Variants in TBC1D5 observed in about 807,000 individuals in gnomAD.
TBC1D5 encodes TBC1 domain family member 5.
TBC1D5 carries 75 observed loss-of-function variants against 100.3 expected under a neutral mutation model. That is an observed-to-expected ratio of 0.75 (90% confidence interval 0.62 to 0.91). TBC1D5 has a LOEUF of 0.91. Ranked by LOEUF, TBC1D5 falls within the 40% of genes least tolerant of loss-of-function variation. TBC1D5 has a pLI of 0.00. For synonymous variants in TBC1D5, 323 were observed against 325.6 expected, an observed-to-expected ratio of 0.99 and a Z score of 0.09; for missense variants, 910 against 942.4, an observed-to-expected ratio of 0.97 and a Z score of 0.45.
intron 13 of TBC1D5, among the ~76,000 whole-genome samples, chr3:17,312,384 A>G (rs528706239): frequency 6.6e-6 from 1 of 152,288 alleles, no homozygotes; most frequent in African/African-American, 2.4e-5. Context: ...TAGGTCTTTA[A>G]AAACTATTTG....
At chr3:17,437,999 T>A (rs2094568315) in intron 3 of TBC1D5, among the ~76,000 whole-genome samples, 1 of 152,186 alleles carries the variant, frequency 6.6e-6, no homozygotes. Flanking sequence ...TGCATTGAGC[T>A]ATGCCAACTT....
At chr3:17,161,441 C>T (rs1435830837) in intron 21 of TBC1D5, among the ~76,000 whole-genome samples, 185 bp from the exon 23 acceptor site, 3 of 152,234 alleles carry the variant, frequency 2.0e-5, no homozygotes, top group Non-Finnish European at 4.4e-5. Context: ...TGGTGCAGTG[C>T]CAGCAGCATC....
intron 13 of TBC1D5, among the ~76,000 whole-genome samples, chr3:17,369,713 C>A (rs1054990872): frequency 6.6e-6 from 1 of 152,106 alleles, no homozygotes; most frequent in African/African-American, 2.4e-5. Context: ...ATGGGTAGTA[C>A]AGATGGTAGT....
At chr3:17,727,062 T>C (rs1167798179) in intron 1 of TBC1D5, among the ~76,000 whole-genome samples, 1 of 152,180 alleles carries the variant, frequency 6.6e-6, no homozygotes, top group Non-Finnish European at 1.5e-5. Flanking sequence ...GGTCTACTGA[T>C]TGTCCCCCCA....
chr3:17,410,153 G>C (rs1321325541), intron 4 of TBC1D5, among the ~76,000 whole-genome samples: 3 of 152,080 alleles, frequency 2.0e-5, no homozygotes, highest in African/African-American at 7.2e-5. Flanking sequence ...CATTCTGAAA[G>C]TCCTAGAGAC....
chr3:17,334,223 C>T (rs2087325436), intron 13 of TBC1D5, among the ~76,000 whole-genome samples: 1 of 151,980 alleles, frequency 6.6e-6, no homozygotes, highest in African/African-American at 2.4e-5. Flanking sequence ...AGAGTAGAGA[C>T]AGATACTACC....
intron 2 of TBC1D5, among the ~76,000 whole-genome samples, chr3:17,591,974 C>T (rs534916742): frequency 2.6e-4 from 39 of 152,336 alleles, no homozygotes; most frequent in Admixed American, 1.2e-3. Context: ...AGTAGATTAT[C>T]GTAAGCTTAA....
At chr3:17,420,415 T>C (rs1272605807) in intron 4 of TBC1D5, among the ~76,000 whole-genome samples, 2 of 152,018 alleles carry the variant, frequency 1.3e-5, no homozygotes, top group African/African-American at 4.8e-5. Flanking sequence ...ATCATTTGAG[T>C]CAAATTGTTT....
rs538870296 is a variant in TBC1D5, at chr3:17,203,112, C to T, written c.1752+11095G>A. On this transcript the variant is annotated intron_variant, in intron 18 of 21. Transcript: ENST00000253692. ...GCTGAGGGGGCTGTACCCTGCAGAG[C>T]CCCAAGCAGGGAGATCCCCAAGGCC... Among the ~76,000 whole-genome samples the T allele has an allele frequency of 2.6e-5, 4 of 152,312 alleles. No individual in the cohort carries two copies. The South Asian group carries it at 6.2e-4, about 24-fold the overall frequency.
intron 1 of TBC1D5, among the ~76,000 whole-genome samples, chr3:17,672,026 C>T (rs1577366697): frequency 6.6e-6 from 1 of 152,260 alleles, no homozygotes; most frequent in South Asian, 2.1e-4. Flanking sequence ...GTCTAACATT[C>T]GGCATTCTAT....
At chr3:17,316,462 T>C (rs2084713637) in intron 13 of TBC1D5, among the ~76,000 whole-genome samples, 5 of 152,160 alleles carry the variant, frequency 3.3e-5, no homozygotes, top group Admixed American at 3.3e-4. Context: ...TCTACTCAAG[T>C]GAAAGCCATT....
intron 3 of TBC1D5, among the ~76,000 whole-genome samples, chr3:17,470,092 T>C (rs1468000910): frequency 6.6e-6 from 1 of 152,210 alleles, no homozygotes. Context: ...ATAGTCTAAC[T>C]TTGCAGACCT....
intron 2 of TBC1D5, among the ~76,000 whole-genome samples, chr3:17,595,694 C>CAAAT (rs1553868173): frequency 6.6e-6 from 1 of 152,138 alleles, no homozygotes; most frequent in Non-Finnish European, 1.5e-5. Flanking sequence ...ATTAGAAAAG[C>CAAAT]AAGTGATAAA....
chr3:17,464,207 G>T (rs141289701), intron 3 of TBC1D5, among the ~76,000 whole-genome samples: 2 of 151,944 alleles, frequency 1.3e-5, no homozygotes, highest in Non-Finnish European at 2.9e-5. Context: ...TGATCTTCCC[G>T]TCTCGGCCTC....
chr3:17,559,081 CTTAAA>C (rs1251158594), intron 2 of TBC1D5, among the ~76,000 whole-genome samples: 2 of 116,934 alleles, frequency 1.7e-5, no homozygotes, highest in Non-Finnish European at 3.5e-5. Context: ...TTCTCTTTCT[CTTAAA>C]TAAATAAATA....
At chr3:17,179,234 T>C (rs567028693) in intron 19 of TBC1D5, among the ~76,000 whole-genome samples, 1 of 152,354 alleles carries the variant, frequency 6.6e-6, no homozygotes, top group South Asian at 2.1e-4. Context: ...CGAAACTCTT[T>C]TTTCATAGTG....
chr3:17,461,264 T>A (rs1184481731), intron 3 of TBC1D5, among the ~76,000 whole-genome samples: 2 of 152,232 alleles, frequency 1.3e-5, no homozygotes, highest in Admixed American at 6.5e-5. Flanking sequence ...TACACACACA[T>A]ATATGAACGT....
chr3:17,271,249 T>C (rs1252183682), intron 15 of TBC1D5, among the ~76,000 whole-genome samples: 1 of 152,210 alleles, frequency 6.6e-6, no homozygotes, highest in Non-Finnish European at 1.5e-5. Flanking sequence ...ATCCATAGCC[T>C]GGAATGTTTT....
chr3:17,336,646 G>T (rs1234521996), intron 13 of TBC1D5, among the ~76,000 whole-genome samples: 1 of 151,354 alleles, frequency 6.6e-6, no homozygotes, highest in Non-Finnish European at 1.5e-5. Flanking sequence ...CAGCAACCTG[G>T]AATTAAATAT....
Sources: allele counts gnomAD v4.1 joint callset (sites outside exome capture counted in the v4.1 genomes callset), GRCh38; gene constraint gnomAD v4.1.1; transcripts MANE v1.5; gene names NCBI Gene and HGNC (gene_info 2026-07-23, HGNC 2026-07-21).